TTC3: variants seen among roughly 807,000 people sequenced by gnomAD.
TTC3 encodes tetratricopeptide repeat domain 3.
Under a neutral mutation model 249.6 loss-of-function variants are expected in TTC3, and 180 were observed. The observed-to-expected ratio is 0.72, with a 90% CI of 0.64 to 0.82. The LOEUF is 0.82. Ranked by LOEUF, TTC3 falls within the 40% of genes least tolerant of loss-of-function variation. The pLI is 0.00. For synonymous variants in TTC3, 717 were observed against 805.0 expected, an observed-to-expected ratio of 0.89 and a Z score of 1.85; for missense variants, 2,061 against 2,398.4, an observed-to-expected ratio of 0.86 and a Z score of 2.94.
intron 15 of TTC3, among the ~76,000 whole-genome samples, chr21:37,127,458 G>T (rs2077124097): frequency 6.6e-6 from 1 of 152,128 alleles, no homozygotes; most frequent in Non-Finnish European, 1.5e-5. Context: ...ATATTTTTGT[G>T]CTTCATTTAT....
intron 1 of TTC3, among the ~76,000 whole-genome samples, chr21:37,079,517 GTTTT>G (rs60361476): frequency 0.01 from 907 of 90,698 alleles, 9 homozygotes; most frequent in Middle Eastern, 0.02. Flanking sequence ...TTATGGTATG[GTTTT>G]TTTTTTTTTT....
chr21:37,143,978 C>T (rs1018322984), intron 20 of TTC3, among the ~76,000 whole-genome samples: 5 of 151,008 alleles, frequency 3.3e-5, no homozygotes, highest in African/African-American at 9.8e-5. Context: ...TCATTCTCAG[C>T]AAACTGTTGC....
intron 36 of TTC3, among the ~76,000 whole-genome samples, chr21:37,183,876 T>G (rs1328346767): frequency 1.3e-5 from 2 of 152,134 alleles, no homozygotes; most frequent in Non-Finnish European, 2.9e-5. Flanking sequence ...TTAAAACAAG[T>G]CATAGGCTTG....
At chr21:37,104,749 T>C (rs1568927079) in intron 10 of TTC3, among the ~76,000 whole-genome samples, 2 of 152,156 alleles carry the variant, frequency 1.3e-5, no homozygotes, top group Non-Finnish European at 2.9e-5. Flanking sequence ...TAGATGTGGG[T>C]GAGACTGCTT....
In TTC3 at chr21:37,148,556, G is replaced by A. The variant is rs374052580; in HGVS notation, c.2027G>A (p.Arg676His). The change falls in exon 23 of 46, where the codon CGC becomes CAC. Residue 676 changes from arginine (R) to histidine (H), a missense_variant. Physicochemically the swap from Arg to His is conservative, Grantham distance 29. Coordinates refer to ENST00000355666, the Ensembl canonical transcript of TTC3. Reference sequence around the variant, plus strand: ...TTTTTGTAACCCTAGGGTTTTATACGCATCAGCTGTTGCCAGTACTGTAAA... The same window carrying A: ...TTTTTGTAACCCTAGGGTTTTATACACATCAGCTGTTGCCAGTACTGTAAA... 11 of 1,581,434 alleles carry A rather than the reference G, an allele frequency of 7.0e-6. No homozygotes were observed. The highest frequency in any genetic ancestry group is 6.9e-5 in the East Asian group (3 of 43,554).
chr21:37,197,424 T>C (rs1379314133), intron 42 of TTC3, 146 bp from the exon 43 acceptor site: 2 of 953,240 alleles, frequency 2.1e-6, no homozygotes, highest in South Asian at 1.5e-5. Flanking sequence ...TAGATAGTTA[T>C]TGTTGTTATC....
At chr21:37,162,930 T>C (rs1019610376) in intron 31 of TTC3, among the ~76,000 whole-genome samples, 1 of 152,136 alleles carries the variant, frequency 6.6e-6, no homozygotes, top group East Asian at 1.9e-4. Flanking sequence ...AAGGCAACTC[T>C]CTGGGGCCTC....
At chr21:37,094,220 T>A (rs2073662882) in intron 8 of TTC3, 130 bp downstream of exon 8, 1 of 520,466 alleles carries the variant, frequency 1.9e-6, no homozygotes, top group Non-Finnish European at 3.3e-6. Context: ...GGGAAAGAAC[T>A]AATATCTTGA....
chr21:37,161,717 G>A (rs554492846), intron 30 of TTC3, among the ~76,000 whole-genome samples: 3 of 152,262 alleles, frequency 2.0e-5, no homozygotes, highest in East Asian at 1.9e-4. Context: ...CTTTGACTAT[G>A]TATTTAGTTT....
At chr21:37,200,290 G>A (rs142881819) in exon 45 of TTC3, 74 of 1,614,208 alleles carry the variant, frequency 4.6e-5, no homozygotes, top group East Asian at 3.6e-4. Context: ...AAAAACGTGC[G>A]TGTGCTCAAA....
In TTC3 at chr21:37,132,677, T is replaced by G; in HGVS notation, c.1359-5T>G. The G allele has an allele frequency of 6.3e-7, 1 of 1,580,990 alleles. No homozygotes were observed. Among genetic ancestry groups the G allele is most frequent in the Non-Finnish European group, 8.6e-7 (1 of 1,168,992 alleles). On this transcript the variant is annotated splice_region_variant and splice_polypyrimidine_tract_variant and intron_variant, in intron 16 of 45. Transcript: ENST00000355666. ...TGATTTTTAAAAATGCTTTTTTTCT[T>G]TTAGTTCTAGTTCACCATTGACTTT...
At chr21:37,188,725 G>A in intron 39 of TTC3, 130 bp downstream of exon 39, 3 of 552,562 alleles carry the variant, frequency 5.4e-6, no homozygotes, top group Non-Finnish European at 9.1e-6. Context: ...ATGTTCAATT[G>A]TAGAAAAGTT....
intron 10 of TTC3, chr21:37,107,617 A>T (rs2075212655): frequency 6.6e-6 from 1 of 152,088 alleles, no homozygotes; most frequent in African/African-American, 2.4e-5. Context: ...GATGTTAATA[A>T]CTCCCTAATA....
chr21:37,183,561 G>C (rs1276244311), intron 36 of TTC3, among the ~76,000 whole-genome samples: 1 of 152,106 alleles, frequency 6.6e-6, no homozygotes, highest in Admixed American at 6.6e-5. Flanking sequence ...TGCAATCTGG[G>C]CTGAGTTCAG....
At chr21:37,095,137 A>ATGTGTGTGTGTGTGTGTCTGTGTGTG (rs372505505) in intron 8 of TTC3, among the ~76,000 whole-genome samples, 1 of 147,490 alleles carries the variant, frequency 6.8e-6, no homozygotes, top group Non-Finnish European at 1.5e-5. Context: ...CTCTAAAAAT[A>ATGTGTGTGTGTGTGTGTCTGTGTGTG]TGTGTGTGTG....
intron 17 of TTC3, among the ~76,000 whole-genome samples, chr21:37,133,727 T>A (rs2077676953): frequency 6.6e-6 from 1 of 152,164 alleles, no homozygotes; most frequent in Non-Finnish European, 1.5e-5. Flanking sequence ...AATGAAAGCA[T>A]GAGGCTGTAT....
At chr21:37,200,309 C>A (rs1193160598) in exon 45 of TTC3, 2 of 1,614,190 alleles carry the variant, frequency 1.2e-6, no homozygotes, top group South Asian at 2.2e-5. Context: ...AATGTGGGCA[C>A]AAGTATCACA....
intron 12 of TTC3, among the ~76,000 whole-genome samples, 194 bp from the exon 13 acceptor site, chr21:37,122,789 A>G (rs2076728310): frequency 6.6e-6 from 1 of 152,180 alleles, no homozygotes; most frequent in Non-Finnish European, 1.5e-5. Context: ...ATGTCAGACA[A>G]AGTTTGTGTA....
chr21:37,085,408 C>T (rs13050226), intron 1 of TTC3, among the ~76,000 whole-genome samples: 52,081 of 152,048 alleles, frequency 0.34, 10,702 homozygotes, highest in Non-Finnish European at 0.47. Context: ...ATTAATGATC[C>T]TAATGAAAGC....
Sources: gnomAD v4.1 joint callset for allele counts (sites outside exome capture counted in the v4.1 genomes callset) on GRCh38, gnomAD v4.1.1 for gene constraint, MANE v1.5 for transcripts, NCBI Gene and HGNC (gene_info 2026-07-23, HGNC 2026-07-21) for gene names.